The following CHIA variants were observed in gnomAD, a reference collection of about 807,000 sequenced individuals.
CHIA encodes the protein acidic mammalian chitinase.
A neutral mutation model predicts 53.5 loss-of-function variants in CHIA; 47 were observed. The observed-to-expected ratio is 0.88, with a 90% CI of 0.70 to 1.12. CHIA has a LOEUF of 1.12. Among genes scored for constraint, CHIA ranks in the 50% most tolerant of loss-of-function variants. The pLI, the probability that CHIA is intolerant of heterozygous loss-of-function variation, is 0.00. For missense variants in CHIA, 652 were observed against 592.2 expected, an observed-to-expected ratio of 1.10 and a Z score of -1.05; for synonymous variants, 268 against 222.2, an observed-to-expected ratio of 1.21 and a Z score of -1.83.
intron 8 of CHIA, 137 bp from the exon 9 acceptor site, chr1:111,318,356 C>G (rs2101652940): frequency 2.2e-6 from 2 of 892,460 alleles, no homozygotes; most frequent in East Asian, 5.3e-5. Context: ...ACAACTTCAC[C>G]AAAATGTTTT....
intron 6 of CHIA, chr1:111,317,412 G>A: frequency 2.9e-6 from 1 of 345,292 alleles, no homozygotes. Context: ...TGGTCATCTG[G>A]GACCTGGGTT....
At chr1:111,297,270 T>C (rs1435188208) in intron 1 of CHIA, among the ~76,000 whole-genome samples, 1 of 151,998 alleles carries the variant, frequency 6.6e-6, no homozygotes, top group African/African-American at 2.4e-5. Flanking sequence ...AGACGCATAA[T>C]AGTCAGATTC....
chr1:111,312,084 C>A (rs1375501378), intron 3 of CHIA, 106 bp from the exon 4 acceptor site: 1 of 834,736 alleles, frequency 1.2e-6, no homozygotes, highest in Non-Finnish European at 2.1e-6. Context: ...ACACAGAGAT[C>A]AGGCATCTGA....
chr1:111,297,182 C>A lies in CHIA; in HGVS notation c.-69+6232C>A, dbSNP rs146075940. 6.3e-3 allele frequency among the ~76,000 whole-genome samples: 964 copies of A among 152,280 alleles called. 13 individuals are homozygous for A. The highest frequency in any genetic ancestry group is 0.021 in the African/African-American group (889 of 41,558). Reference sequence around the variant, plus strand: ...TATTATCCAGGAGAACTTCCGCAACCTAGCAAGGTAGGCCAACATTCAAAT... The same window carrying A: ...TATTATCCAGGAGAACTTCCGCAACATAGCAAGGTAGGCCAACATTCAAAT... On this transcript the variant is annotated intron_variant, in intron 1 of 11. Transcript: ENST00000369740.
At chr1:111,292,837 T>C (rs1183438326) in intron 1 of CHIA, among the ~76,000 whole-genome samples, 1 of 152,216 alleles carries the variant, frequency 6.6e-6, no homozygotes, top group East Asian at 1.9e-4. Flanking sequence ...AGAAAAATCA[T>C]ATATTATCTG....
At chr1:111,313,028 C>T (rs1277403811) in intron 4 of CHIA, among the ~76,000 whole-genome samples, 1 of 152,094 alleles carries the variant, frequency 6.6e-6, no homozygotes, top group African/African-American at 2.4e-5. Context: ...ATATAAAGAC[C>T]ACATTTTCTT....
chr1:111,305,919 A>G (rs1186783442), intron 1 of CHIA, among the ~76,000 whole-genome samples: 1 of 152,238 alleles, frequency 6.6e-6, no homozygotes, highest in East Asian at 1.9e-4. Flanking sequence ...GTTTTTATAT[A>G]AAGATTAATT....
At chr1:111,301,866 G>T (rs1647773337) in intron 1 of CHIA, among the ~76,000 whole-genome samples, 1 of 151,910 alleles carries the variant, frequency 6.6e-6, no homozygotes, top group Non-Finnish European at 1.5e-5. Flanking sequence ...AAAACACTTG[G>T]ACGTAGGGCA....
chr1:111,296,260 A>G (rs547216499), intron 1 of CHIA, among the ~76,000 whole-genome samples: 1 of 152,350 alleles, frequency 6.6e-6, no homozygotes, highest in African/African-American at 2.4e-5. Flanking sequence ...TGCCTCCTCA[A>G]GTGGGTCCCT....
At chr1:111,315,636 C>A in intron 6 of CHIA, 1 of 600,722 alleles carries the variant, frequency 1.7e-6, no homozygotes. Flanking sequence ...CTGTGCCAGG[C>A]ACTGCTCTAC....
chr1:111,300,191 C>A (rs12734861), intron 1 of CHIA, among the ~76,000 whole-genome samples: 42,141 of 151,694 alleles, frequency 0.28, 6,149 homozygotes, highest in East Asian at 0.35. Context: ...CATCCCCATC[C>A]AGCTACCAAT....
rs114287213 is a variant in CHIA, at chr1:111,303,618, A to G, written c.-68-6782A>G. Reference sequence around the variant, plus strand: ...AGGTTTAACTGCAATAACTTAAAAAAACTCTGCTCTTTTACAGCCCCATTC... The same window carrying G: ...AGGTTTAACTGCAATAACTTAAAAAGACTCTGCTCTTTTACAGCCCCATTC... On this transcript the variant is annotated intron_variant, in intron 1 of 11. Transcript: ENST00000369740. Among the ~76,000 whole-genome samples the G allele has an allele frequency of 5.4e-3, 822 of 152,246 alleles. 8 individuals are homozygous for G. The highest frequency in any genetic ancestry group is 0.019 in the African/African-American group (777 of 41,562).
chr1:111,309,835 G>A (rs1286301722), intron 1 of CHIA, among the ~76,000 whole-genome samples: 1 of 152,142 alleles, frequency 6.6e-6, no homozygotes, highest in Non-Finnish European at 1.5e-5. Context: ...TGAAACTACA[G>A]AACACTAGAG....
intron 1 of CHIA, among the ~76,000 whole-genome samples, chr1:111,304,932 T>A (rs569166178): frequency 6.6e-6 from 1 of 152,244 alleles, no homozygotes; most frequent in African/African-American, 2.4e-5. Flanking sequence ...GTCTTTTTTG[T>A]ATTTTTTATT....
intron 6 of CHIA, chr1:111,315,660 A>G (rs1394361392): frequency 3.4e-6 from 2 of 586,540 alleles, no homozygotes; most frequent in African/African-American, 1.8e-5. Flanking sequence ...TTGTTTTAAG[A>G]ACCATAACTC....
chr1:111,298,353 T>C (rs1312829906), intron 1 of CHIA, among the ~76,000 whole-genome samples: 1 of 152,104 alleles, frequency 6.6e-6, no homozygotes, highest in Non-Finnish European at 1.5e-5. Context: ...AGAAAAGCAC[T>C]CCTCAGCAAA....
intron 1 of CHIA, among the ~76,000 whole-genome samples, chr1:111,292,887 A>G (rs1431717140): frequency 6.6e-6 from 1 of 152,172 alleles, no homozygotes; most frequent in East Asian, 1.9e-4. Flanking sequence ...ATAATGTCTC[A>G]AGATTCATCC....
chr1:111,293,619 T>C (rs975532497), intron 1 of CHIA, among the ~76,000 whole-genome samples: 2 of 152,256 alleles, frequency 1.3e-5, no homozygotes, highest in Non-Finnish European at 2.9e-5. Flanking sequence ...TTGTATTCTT[T>C]TGTTGTCTGT....
intron 1 of CHIA, among the ~76,000 whole-genome samples, chr1:111,296,266 TC>T (rs1661332122): frequency 6.6e-6 from 1 of 152,178 alleles, no homozygotes; most frequent in African/African-American, 2.4e-5. Context: ...CTCAAGTGGG[TC>T]CCTGACCCCT....
Sources: gnomAD v4.1 joint callset for allele counts (sites outside exome capture counted in the v4.1 genomes callset) on GRCh38, gnomAD v4.1.1 for gene constraint, MANE v1.5 for transcripts, NCBI Gene and HGNC (gene_info 2026-07-23, HGNC 2026-07-21) for gene names.